The following BMPER variants were observed in gnomAD, a reference collection of about 807,000 sequenced individuals.
The protein encoded by BMPER is BMP binding endothelial regulator.
A neutral mutation model predicts 87.3 loss-of-function variants in BMPER; 45 were observed. The observed-to-expected ratio is 0.52, with a 90% CI of 0.41 to 0.66. BMPER has a LOEUF of 0.66. BMPER is among the 30% of genes least tolerant of loss of function. BMPER has a pLI of 0.00. For missense variants in BMPER, 784 were observed against 867.5 expected (o/e 0.90, Z 1.21); for synonymous variants, 326 against 316.2 (o/e 1.03, Z -0.33).
At position 33,997,035 on chromosome 7, in the gene BMPER, C is replaced by T. The variant is rs76061817; in HGVS notation, c.576+22251C>T. 2.8e-3 allele frequency among the ~76,000 whole-genome samples: 420 copies of T among 152,234 alleles called. 12 individuals are homozygous for T. In the East Asian group the frequency reaches 0.068, roughly 25 times the overall value. ...ATAAGGAAGGAGCAGGTCTTATGTTCATGCTCAACAGGACCCTCCCTCCTC... is the reference window on the plus strand; with the variant it reads ...ATAAGGAAGGAGCAGGTCTTATGTTTATGCTCAACAGGACCCTCCCTCCTC... On this transcript the variant is annotated intron_variant, in intron 6 of 14. Coordinates refer to ENST00000649409, the MANE Select transcript of BMPER (RefSeq NM_001365308.1).
chr7:33,921,832 C>T, intron 2 of BMPER: 1 of 470,962 alleles, frequency 2.1e-6, no homozygotes, highest in Non-Finnish European at 4.4e-6. Context: ...TTATGACTGA[C>T]CTAGTGCGCC....
chr7:34,150,386 A>G (rs946285684), intron 14 of BMPER, among the ~76,000 whole-genome samples: 2 of 152,084 alleles, frequency 1.3e-5, no homozygotes, highest in Admixed American at 6.5e-5. Flanking sequence ...TAAATTACTG[A>G]TATCCTGATC....
intron 13 of BMPER, among the ~76,000 whole-genome samples, chr7:34,134,219 T>G (rs1333124431): frequency 6.6e-6 from 1 of 152,172 alleles, no homozygotes; most frequent in African/African-American, 2.4e-5. Flanking sequence ...CGGTGATGAA[T>G]TGAGCACAAG....
At chr7:33,918,205 T>C (rs1784133062) in intron 2 of BMPER, among the ~76,000 whole-genome samples, 1 of 152,222 alleles carries the variant, frequency 6.6e-6, no homozygotes, top group African/African-American at 2.4e-5. Flanking sequence ...AGGTTCCTCT[T>C]TGAGGCATGT....
At chr7:34,091,278 T>C (rs2127979223) in intron 13 of BMPER, among the ~76,000 whole-genome samples, 1 of 152,344 alleles carries the variant, frequency 6.6e-6, no homozygotes, top group Non-Finnish European at 1.5e-5. Context: ...CATATAAAGC[T>C]AAATGCTATT....
In BMPER at chr7:34,153,977, A is replaced by G. The variant is rs11972404; in HGVS notation, c.*704A>G. 13,932 of 153,362 alleles carry G rather than the reference A, an allele frequency of 0.091. 1,408 individuals are homozygous for G. Among genetic ancestry groups the G allele is most frequent in the African/African-American group, 0.25 (10,487 of 41,478 alleles). 9.5% of individuals were successfully genotyped at this position (153,362 alleles called of 1,614,324 possible). A position where few individuals can be genotyped will look rare whatever the true frequency, so the allele number is the denominator to read the frequency against. On this transcript the variant is annotated 3_prime_UTR_variant, in exon 15 of 15. Coordinates refer to ENST00000649409, the MANE Select transcript of BMPER (RefSeq NM_001365308.1). ...TAGTCCTCAAGTCTTCTAATCATCT[A>G]TGTGTGTATGATGGATGTGACCATT...
chr7:34,064,502 T>A lies in BMPER; in HGVS notation c.1078+2455T>A, dbSNP rs183405135. 5.0e-3 allele frequency among the ~76,000 whole-genome samples: 741 copies of A among 149,634 alleles called. 5 individuals carry two copies. Among genetic ancestry groups the A allele is most frequent in the African/African-American group, 0.018 (713 of 39,086 alleles). On this transcript the variant is annotated intron_variant, in intron 11 of 14. Transcript: ENST00000649409. ...AAGAATACAAATGGAAGGAAAGGTA[T>A]TATAAAATAGAAGCAAGCTTTAAAC...
At chr7:33,951,672 G>A (rs1785027132) in intron 3 of BMPER, among the ~76,000 whole-genome samples, 3 of 152,136 alleles carry the variant, frequency 2.0e-5, no homozygotes, top group African/African-American at 7.2e-5. Flanking sequence ...CAGACTGGCT[G>A]CCCCCTGAAT....
At chr7:34,049,200 A>G (rs1788075087) in intron 7 of BMPER, among the ~76,000 whole-genome samples, 1 of 152,330 alleles carries the variant, frequency 6.6e-6, no homozygotes, top group South Asian at 2.1e-4. Flanking sequence ...GTGCACTCTA[A>G]TTGACACAGC....
chr7:34,062,000 A>G lies in BMPER; in HGVS notation c.1033-2A>G. 1 of 1,589,388 alleles carries G rather than the reference A, an allele frequency of 6.3e-7. No individual in the cohort carries two copies. Among genetic ancestry groups the G allele is most frequent in the Non-Finnish European group, 8.6e-7 (1 of 1,166,358 alleles). ...CTTTGTATTTGTTTTTCTTCTGATT[A>G]GGGCAAAATTCTCAACAGAAAAGGA... On this transcript the variant is annotated splice_acceptor_variant, in intron 10 of 14. Coordinates refer to ENST00000649409, the MANE Select transcript of BMPER (RefSeq NM_001365308.1). LOFTEE classifies it high-confidence loss of function.
intron 11 of BMPER, among the ~76,000 whole-genome samples, chr7:34,068,539 G>A (rs1409701499): frequency 6.6e-6 from 1 of 151,536 alleles, no homozygotes; most frequent in Non-Finnish European, 1.5e-5. Context: ...CAAGTACAGA[G>A]AAGTGGTGGT....
At chr7:34,065,197 ACACT>A (rs796623291) in intron 11 of BMPER, among the ~76,000 whole-genome samples, 2,014 of 129,076 alleles carry the variant, frequency 0.016, 44 homozygotes, top group Middle Eastern at 0.031. Context: ...ACACACATAC[ACACT>A]CACTCTCTCT....
At chr7:34,084,746 G>A (rs1463863134) in intron 12 of BMPER, among the ~76,000 whole-genome samples, 1 of 152,190 alleles carries the variant, frequency 6.6e-6, no homozygotes, top group East Asian at 1.9e-4. Flanking sequence ...TATCTATGCT[G>A]TGTGACAGCA....
rs151147120 is a variant in BMPER, at chr7:33,966,501, C to T, written c.342C>T (p.Thr114=). 2.5e-6 allele frequency: 4 copies of T among 1,613,722 alleles called. No individual in the cohort carries two copies. Among genetic ancestry groups the T allele is most frequent in the Non-Finnish European group, 1.7e-6 (2 of 1,179,690 alleles). The change falls in exon 4 of 15, where the codon ACC becomes ACT. Residue 114 remains threonine, a synonymous_variant. Coordinates refer to ENST00000649409, the MANE Select transcript of BMPER (RefSeq NM_001365308.1). ...QCKGCTYEGN[T]YNSSFKWQSP... ...TAGGTTGCACCTATGAAGGAAATAC[C>T]TATAACAGCTCCTTCAAATGGCAGA... is the stretch of plus-strand genomic sequence containing the variant.
intron 7 of BMPER, among the ~76,000 whole-genome samples, chr7:34,047,663 C>T (rs1788010990): frequency 6.6e-6 from 1 of 152,052 alleles, no homozygotes; most frequent in Non-Finnish European, 1.5e-5. Context: ...GCTTGAGCCA[C>T]CATGCAAATA....
At chr7:34,134,505 C>A (rs6961957) in intron 13 of BMPER, among the ~76,000 whole-genome samples, 10 of 152,068 alleles carry the variant, frequency 6.6e-5, no homozygotes, top group African/African-American at 2.2e-4. Flanking sequence ...AGTGACAATT[C>A]AGCAAAAGTC....
At chr7:34,131,566 C>T (rs970559810) in intron 13 of BMPER, among the ~76,000 whole-genome samples, 4 of 152,178 alleles carry the variant, frequency 2.6e-5, no homozygotes, top group Admixed American at 6.5e-5. Context: ...ATGGAAGGAT[C>T]GGCCCCTTTG....
At chr7:34,140,356 A>T (rs1790832853) in intron 13 of BMPER, among the ~76,000 whole-genome samples, 1 of 152,280 alleles carries the variant, frequency 6.6e-6, no homozygotes, top group Non-Finnish European at 1.5e-5. Context: ...TCAACTTGAT[A>T]AGTGAAAAAC....
intron 13 of BMPER, among the ~76,000 whole-genome samples, chr7:34,089,186 T>C (rs1236400163): frequency 1.3e-5 from 2 of 151,932 alleles, no homozygotes; most frequent in East Asian, 1.9e-4. Flanking sequence ...TATTTTATTT[T>C]CCCCCCATTC....
Sources: gnomAD v4.1 joint callset for allele counts (sites outside exome capture counted in the v4.1 genomes callset) on GRCh38, gnomAD v4.1.1 for gene constraint, MANE v1.5 for transcripts, NCBI Gene and HGNC (gene_info 2026-07-23, HGNC 2026-07-21) for gene names.